Variants in RFX8 observed in about 807,000 individuals in gnomAD.
RFX8 encodes DNA-binding protein RFX8.
A neutral mutation model predicts 54.6 loss-of-function variants in RFX8; 46 were observed. That is an observed-to-expected ratio of 0.84 (90% CI 0.67 to 1.08). RFX8 has a LOEUF of 1.08. Ranked by LOEUF, RFX8 falls within the 50% of genes least tolerant of loss-of-function variation. The probability of loss-of-function intolerance (pLI) is 0.00; values close to 1 mark genes in which losing one functional copy is unlikely to be tolerated. For synonymous variants in RFX8, 192 were observed against 209.5 expected (o/e 0.92, Z 0.72); for missense variants, 536 against 562.3 (o/e 0.95, Z 0.47).
At chr2:101,421,895 A>G in intron 3 of RFX8, 118 bp from the exon 4 acceptor site, 2 of 716,646 alleles carry the variant, frequency 2.8e-6, no homozygotes, top group Non-Finnish European at 4.6e-6. Context: ...AAATGACAAT[A>G]GCTGCGCTCT....
At chr2:101,413,392 G>A (rs1019312593) in intron 7 of RFX8, among the ~76,000 whole-genome samples, 2 of 152,160 alleles carry the variant, frequency 1.3e-5, no homozygotes, top group African/African-American at 2.4e-5. Context: ...TTGAGCCTCT[G>A]CAAGGAAGGT....
At chr2:101,450,548 C>T in intron 2 of RFX8, 2 of 933,588 alleles carry the variant, frequency 2.1e-6, no homozygotes, top group South Asian at 1.4e-5. Flanking sequence ...TAACATTCAC[C>T]AGGCTTGTGA....
At chr2:101,414,163 G>A (rs771215584) in intron 7 of RFX8, among the ~76,000 whole-genome samples, 23 of 152,336 alleles carry the variant, frequency 1.5e-4, no homozygotes, top group Admixed American at 7.2e-4. Flanking sequence ...CCCCACACAC[G>A]GGTGAAGGGT....
chr2:101,415,317 T>C (rs893023091), intron 6 of RFX8, among the ~76,000 whole-genome samples: 2 of 152,168 alleles, frequency 1.3e-5, no homozygotes, highest in East Asian at 1.9e-4. Flanking sequence ...TCTTTCACCA[T>C]GTGAAGACAA....
intron 2 of RFX8, among the ~76,000 whole-genome samples, chr2:101,454,072 G>A (rs950658162): frequency 2.2e-4 from 22 of 99,728 alleles, no homozygotes; most frequent in African/African-American, 5.5e-4. Context: ...GACAGGCCCC[G>A]GTGTGTGATG....
intron 2 of RFX8, among the ~76,000 whole-genome samples, chr2:101,428,726 C>T: frequency 6.6e-6 from 1 of 152,204 alleles, no homozygotes; most frequent in East Asian, 1.9e-4. Context: ...CACAGTTAAG[C>T]AGGGAATGTG....
chr2:101,458,529 A>T (rs1331883037), intron 2 of RFX8, among the ~76,000 whole-genome samples: 1 of 152,194 alleles, frequency 6.6e-6, no homozygotes, highest in Non-Finnish European at 1.5e-5. Flanking sequence ...AGAATGTTTA[A>T]TATTGGCCCC....
At chr2:101,446,126 C>A (rs982736607) in intron 2 of RFX8, among the ~76,000 whole-genome samples, 2 of 151,670 alleles carry the variant, frequency 1.3e-5, no homozygotes, top group African/African-American at 4.8e-5. Context: ...AAAAAAATTT[C>A]TTAGTTGGCC....
At chr2:101,408,482 C>CAAA (rs70943080) in intron 9 of RFX8, among the ~76,000 whole-genome samples, 1 of 136,478 alleles carries the variant, frequency 7.3e-6, no homozygotes, top group African/African-American at 2.8e-5. Flanking sequence ...GACTCCGTCT[C>CAAA]AAAAAAAAAA....
In RFX8 at chr2:101,474,961, G is replaced by T. The variant is rs1053007670; in HGVS notation, c.-378C>A. Among the ~76,000 whole-genome samples the T allele has an allele frequency of 2.0e-5, 3 of 152,194 alleles. No individual in the cohort carries two copies. Among genetic ancestry groups the T allele is most frequent in the Non-Finnish European group, 4.4e-5 (3 of 68,028 alleles). ...AGGAGGCTGGTCCCAGGTGACTCCA[G>T]TGTGCTGCTCCAGGTGAGCAGTGCC... On this transcript the variant is annotated 5_prime_UTR_variant, in exon 1 of 12. In the 5' UTR this introduces an upstream ATG that the reference lacks. Transcript: ENST00000428343.
At chr2:101,441,866 C>A (rs12478990) in intron 2 of RFX8, among the ~76,000 whole-genome samples, 41,064 of 152,034 alleles carry the variant, frequency 0.27, 5,906 homozygotes, top group South Asian at 0.35. Context: ...CCAGTCTTGT[C>A]TTTTGGCTGA....
intron 11 of RFX8, 105 bp downstream of exon 11, chr2:101,402,331 C>T (rs1186306469): frequency 6.0e-6 from 6 of 997,776 alleles, no homozygotes; most frequent in East Asian, 5.3e-5. Context: ...ACTGTAGAAT[C>T]GTTTATCATT....
At chr2:101,429,269 T>A (rs1283386612) in intron 2 of RFX8, among the ~76,000 whole-genome samples, 1 of 152,230 alleles carries the variant, frequency 6.6e-6, no homozygotes, top group Non-Finnish European at 1.5e-5. Context: ...GAATATGATA[T>A]CGTCATGGGT....
chr2:101,460,338 G>C (rs1241856756), intron 2 of RFX8, among the ~76,000 whole-genome samples: 1 of 152,184 alleles, frequency 6.6e-6, no homozygotes, highest in African/African-American at 2.4e-5. Flanking sequence ...ATCTCACTGA[G>C]AGCTGCAGAT....
chr2:101,423,753 C>A (rs1291987859), intron 2 of RFX8, among the ~76,000 whole-genome samples: 1 of 152,168 alleles, frequency 6.6e-6, no homozygotes, highest in Non-Finnish European at 1.5e-5. Context: ...TCTCTAACCA[C>A]CTGTGCCCAC....
chr2:101,473,479 C>CAG (rs1340602309), intron 1 of RFX8, among the ~76,000 whole-genome samples: 1 of 152,042 alleles, frequency 6.6e-6, no homozygotes, highest in Non-Finnish European at 1.5e-5. Context: ...ACTGTTTAGG[C>CAG]CTGCCAGGGT....
At chr2:101,414,076 C>A (rs530308344) in intron 7 of RFX8, among the ~76,000 whole-genome samples, 36 of 152,286 alleles carry the variant, frequency 2.4e-4, no homozygotes, top group Middle Eastern at 3.4e-3. Flanking sequence ...CCTTCTCAAC[C>A]TTTCTCTAAA....
intron 2 of RFX8, chr2:101,450,688 A>T: frequency 7.0e-7 from 1 of 1,419,300 alleles, no homozygotes; most frequent in Non-Finnish European, 9.6e-7. Context: ...TACCTGGAAA[A>T]ATAAAGGTTG....
chr2:101,426,146 G>C, intron 2 of RFX8, among the ~76,000 whole-genome samples: 1 of 152,064 alleles, frequency 6.6e-6, no homozygotes, highest in Non-Finnish European at 1.5e-5. Context: ...AAAATATCAC[G>C]CATATCCAGA....
Sources: allele counts gnomAD v4.1 joint callset (sites outside exome capture counted in the v4.1 genomes callset), GRCh38; gene constraint gnomAD v4.1.1; transcripts MANE v1.5; gene names NCBI Gene and HGNC (gene_info 2026-07-23, HGNC 2026-07-21).